PDE4B: variants seen among roughly 807,000 people sequenced by gnomAD.
PDE4B encodes phosphodiesterase 4B.
In PDE4B, 20 loss-of-function variants were observed where a neutral mutation model predicts 82.2. The ratio of observed to expected loss-of-function variants is 0.24; its 90% CI spans 0.17 to 0.35. The LOEUF (loss-of-function observed/expected upper bound fraction) is 0.35. Ranked by LOEUF, PDE4B falls within the 10% of genes least tolerant of loss-of-function variation. PDE4B has a pLI of 1.00. For missense variants in PDE4B, 655 were observed against 907.2 expected (o/e 0.72, Z 3.57); for synonymous variants, 320 against 318.9 (o/e 1.00, Z -0.04).
chr1:66,371,982 C>T lies in PDE4B; in HGVS notation c.1846-331C>T, dbSNP rs545018326. Among the ~76,000 whole-genome samples, 10 of 152,274 alleles carry T rather than the reference C, an allele frequency of 6.6e-5. No homozygotes were observed. The South Asian group carries it at 1.9e-3, about 28-fold the overall frequency. On this transcript the variant is annotated intron_variant, in intron 16 of 16. Coordinates refer to ENST00000341517, the MANE Select transcript of PDE4B (RefSeq NM_002600.4). ...GCAGTCTGTTGTAGCAAGATGAACA[C>T]GGGCTTTGGAATCAGATGAAGCTGG...
chr1:66,343,081 CA>C (rs1165177849), intron 8 of PDE4B, among the ~76,000 whole-genome samples: 1 of 150,590 alleles, frequency 6.6e-6, no homozygotes, highest in Non-Finnish European at 1.5e-5. Context: ...CAAAAAAAAA[CA>C]AAAAAAACTA....
intron 3 of PDE4B, among the ~76,000 whole-genome samples, chr1:66,085,167 C>G (rs538320227): frequency 3.6e-4 from 55 of 152,182 alleles, no homozygotes; most frequent in Non-Finnish European, 7.4e-4. Context: ...CTACCCAGGA[C>G]CTCCTGAGTC....
At chr1:66,271,938 G>A (rs1293629752) in intron 7 of PDE4B, among the ~76,000 whole-genome samples, 1 of 152,188 alleles carries the variant, frequency 6.6e-6, no homozygotes, top group Non-Finnish European at 1.5e-5. Flanking sequence ...CCATCCCTGC[G>A]TGGCATGTCG....
Position 66,193,419 on chromosome 1 carries a change from C to T in PDE4B, c.282-54041C>T, listed in dbSNP as rs114582659. 7.1e-3 allele frequency among the ~76,000 whole-genome samples: 1,083 copies of T among 152,218 alleles called. 14 individuals carry two copies. The highest frequency in any genetic ancestry group is 0.024 in the African/African-American group (1,010 of 41,536). On this transcript the variant is annotated intron_variant, in intron 3 of 16. Coordinates refer to ENST00000341517, the MANE Select transcript of PDE4B (RefSeq NM_002600.4). ...ATGATATTGTAGGTTCACCATATCC[C>T]GTTCCTTCCTGTTCCTCTAGTGTGC... is the stretch of plus-strand genomic sequence containing the variant.
At chr1:65,892,339 T>G (rs1173253381) in intron 1 of PDE4B, among the ~76,000 whole-genome samples, 4 of 152,040 alleles carry the variant, frequency 2.6e-5, no homozygotes, top group Admixed American at 6.6e-5. Context: ...ACTTAAATAT[T>G]TTGACAGGGC....
At chr1:66,084,910 A>G (rs1656928051) in intron 3 of PDE4B, among the ~76,000 whole-genome samples, 1 of 152,170 alleles carries the variant, frequency 6.6e-6, no homozygotes, top group Admixed American at 6.5e-5. Context: ...ACTGATCAAG[A>G]AACCAAAGTG....
chr1:65,979,044 A>G (rs955451811), intron 3 of PDE4B, among the ~76,000 whole-genome samples: 1 of 152,062 alleles, frequency 6.6e-6, no homozygotes. Context: ...TCTTTCTTCA[A>G]TATTTATTGA....
intron 3 of PDE4B, among the ~76,000 whole-genome samples, chr1:66,057,369 A>G (rs1271822773): frequency 1.3e-5 from 2 of 152,254 alleles, no homozygotes; most frequent in East Asian, 1.9e-4. Flanking sequence ...TTGTACTAAA[A>G]GAGTCCTTGG....
intron 3 of PDE4B, among the ~76,000 whole-genome samples, chr1:66,068,406 G>C (rs1334040660): frequency 1.3e-5 from 2 of 151,852 alleles, no homozygotes; most frequent in South Asian, 2.1e-4. Context: ...ATGAAGAATT[G>C]ATAAGATTTT....
chr1:66,278,870 T>G (rs1176753933), intron 7 of PDE4B, among the ~76,000 whole-genome samples: 1 of 152,146 alleles, frequency 6.6e-6, no homozygotes, highest in South Asian at 2.1e-4. Context: ...GTGTGGTGTG[T>G]GCATGCATAC....
At chr1:65,976,342 T>A (rs2503201) in intron 3 of PDE4B, among the ~76,000 whole-genome samples, 1 of 152,044 alleles carries the variant, frequency 6.6e-6, no homozygotes, top group Non-Finnish European at 1.5e-5. Context: ...AGCATTTACA[T>A]AATTCCTGTA....
chr1:65,980,317 T>C (rs902247415), intron 3 of PDE4B, among the ~76,000 whole-genome samples: 5 of 152,192 alleles, frequency 3.3e-5, no homozygotes, highest in Non-Finnish European at 7.3e-5. Context: ...TTATACATAA[T>C]GTACTGTAAC....
intron 1 of PDE4B, among the ~76,000 whole-genome samples, chr1:65,912,291 A>G (rs1040905877): frequency 1.3e-5 from 2 of 152,164 alleles, no homozygotes; most frequent in African/African-American, 4.8e-5. Context: ...TGTTACATGG[A>G]TATATTGAGT....
intron 3 of PDE4B, among the ~76,000 whole-genome samples, chr1:66,238,795 A>G (rs1031858750): frequency 3.3e-5 from 5 of 152,140 alleles, no homozygotes; most frequent in Admixed American, 2.0e-4. Flanking sequence ...TAAAGATTAA[A>G]CTAAAGTTTC....
chr1:66,268,667 CAAAAAAAAAAAAAAAA>C (rs36046564), intron 7 of PDE4B, among the ~76,000 whole-genome samples: 1 of 61,238 alleles, frequency 1.6e-5, no homozygotes, highest in African/African-American at 7.2e-5. Context: ...GACTCCATCT[CAAAAAAAAAAAAAAAA>C]AAAAAAAAGA....
intron 3 of PDE4B, among the ~76,000 whole-genome samples, chr1:65,929,578 A>G (rs746718830): frequency 6.6e-6 from 1 of 152,182 alleles, no homozygotes; most frequent in African/African-American, 2.4e-5. Context: ...ACTTAGGGCA[A>G]TCTTAACAGA....
At chr1:66,119,967 A>G (rs534393253) in intron 3 of PDE4B, among the ~76,000 whole-genome samples, 1 of 152,320 alleles carries the variant, frequency 6.6e-6, no homozygotes, top group South Asian at 2.1e-4. Context: ...GGCATGGAAC[A>G]AAGATTTTCC....
Position 65,839,255 on chromosome 1 carries a change from T to C in PDE4B, c.-71+46007T>C, listed in dbSNP as rs79951341. On this transcript the variant is annotated intron_variant, in intron 1 of 16. Coordinates refer to ENST00000341517, the MANE Select transcript of PDE4B (RefSeq NM_002600.4). ...TTATACTTTCATTCAATACCAATGA[T>C]TTTTTTTTTTTAGTATTCTCCTATT... is the stretch of plus-strand genomic sequence containing the variant. Among the ~76,000 whole-genome samples the C allele has an allele frequency of 5.8e-5, 8 of 138,636 alleles. No individual in the cohort carries two copies. In the East Asian group the frequency reaches 7.8e-4, roughly 14 times the overall value. 91.0% of individuals were successfully genotyped at this position (138,636 alleles called of 152,430 possible). A position where few individuals can be genotyped will look rare whatever the true frequency, so the allele number is the denominator to read the frequency against.
chr1:65,953,958 G>T (rs1557455643), intron 3 of PDE4B, among the ~76,000 whole-genome samples: 1 of 152,170 alleles, frequency 6.6e-6, no homozygotes, highest in African/African-American at 2.4e-5. Context: ...GAGTGTAGTG[G>T]CATGATCTTG....
Sources: allele counts gnomAD v4.1 joint callset (sites outside exome capture counted in the v4.1 genomes callset), GRCh38; gene constraint gnomAD v4.1.1; transcripts MANE v1.5; gene names NCBI Gene and HGNC (gene_info 2026-07-23, HGNC 2026-07-21).